The following TVP23C variants were observed in gnomAD, a reference collection of about 807,000 sequenced individuals.
TVP23C encodes the protein Golgi apparatus membrane protein TVP23 homolog C.
Under a neutral mutation model 28.7 loss-of-function variants are expected in TVP23C, and 19 were observed. That is an observed-to-expected ratio of 0.66 (90% confidence interval 0.46 to 0.97). TVP23C has a LOEUF of 0.97. Among genes scored for constraint, TVP23C ranks in the 50% least tolerant of loss-of-function variants. The pLI, the probability that TVP23C is intolerant of heterozygous loss-of-function variation, is 0.00. For missense variants in TVP23C, 186 were observed against 241.3 expected, an observed-to-expected ratio of 0.77 and a Z score of 1.52; for synonymous variants, 68 against 81.7, an observed-to-expected ratio of 0.83 and a Z score of 0.90.
intron 5 of TVP23C, among the ~76,000 whole-genome samples, chr17:15,526,678 G>A (rs1457421341): frequency 1.3e-5 from 2 of 152,172 alleles, no homozygotes; most frequent in Non-Finnish European, 1.5e-5. Flanking sequence ...TCCAGTATGC[G>A]TTGGTTTCAT....
At chr17:15,547,626 T>C (rs1257900990) in intron 3 of TVP23C, among the ~76,000 whole-genome samples, 1 of 152,218 alleles carries the variant, frequency 6.6e-6, no homozygotes, top group African/African-American at 2.4e-5. Context: ...TCCTAATCTT[T>C]ATTTACTCAA....
intron 1 of TVP23C, 193 bp downstream of exon 1, chr17:15,563,244 C>G: frequency 9.2e-7 from 1 of 1,085,602 alleles, no homozygotes; most frequent in Non-Finnish European, 1.3e-6. Flanking sequence ...CCGCACGGGT[C>G]ACGCCTCCCC....
intron 5 of TVP23C, among the ~76,000 whole-genome samples, chr17:15,523,058 G>A (rs1982549415): frequency 6.6e-6 from 1 of 152,046 alleles, no homozygotes; most frequent in East Asian, 1.9e-4. Flanking sequence ...CGCCCAGGCT[G>A]GAGTGCAGTG....
At chr17:15,512,854 AAAAGGGAGATG>A (rs1238131562) in intron 5 of TVP23C, among the ~76,000 whole-genome samples, 7 of 152,208 alleles carry the variant, frequency 4.6e-5, no homozygotes, top group Non-Finnish European at 7.3e-5. Flanking sequence ...ATGTCAAATC[AAAAGGGAGATG>A]ACCCATCCAT....
rs139005045 is a variant in TVP23C at position 15,503,128 on chromosome 17, G to C, written c.567C>G (p.Cys189Trp). The C allele has an allele frequency of 9.9e-3, 16,016 of 1,611,108 alleles. 120 individuals carry two copies. Among genetic ancestry groups the C allele is most frequent in the Non-Finnish European group, 0.012 (14,005 of 1,178,576 alleles). ...GAAACTTCCTCGAGGGATGGCCCGG[G>C]CAGCGGCTCACGCCTGTTATCCCAG... The change falls in exon 6 of 6, where the codon TGC (cysteine) becomes TGG (tryptophan). Residue 189 changes from cysteine to tryptophan, a missense_variant. By Grantham distance (215) the Cys-to-Trp change is radical. Transcript: ENST00000225576.
rs1266549538 is a variant in TVP23C, at chr17:15,502,811, T to C, written c.*53A>G. On this transcript the variant is annotated 3_prime_UTR_variant, in exon 6 of 6. Transcript: ENST00000225576. ...CCTCTCTCCTCTCTCCTCTCTCTCC[T>C]CTCTCTCTCTCTCTCTCTCTCCTGC... 5.8e-4 allele frequency: 97 copies of C among 167,392 alleles called. 1 individual carries two copies. The South Asian group carries it at 0.013, about 23-fold the overall frequency. 10.4% of individuals were successfully genotyped at this position (167,392 alleles called of 1,614,324 possible).
intron 1 of TVP23C, among the ~76,000 whole-genome samples, chr17:15,560,539 A>C (rs995126105): frequency 9.4e-5 from 14 of 149,418 alleles, no homozygotes; most frequent in African/African-American, 3.4e-4. Context: ...CCAGTGAAAG[A>C]GCATGTGGTG....
At chr17:15,503,216 A>C in exon 6 of TVP23C, 3 of 1,536,622 alleles carry the variant, frequency 2.0e-6, no homozygotes, top group Non-Finnish European at 2.6e-6. Flanking sequence ...AGTCTGGGCA[A>C]TGTGGCGAGA....
chr17:15,542,398 C>T (rs1304773289), intron 5 of TVP23C, among the ~76,000 whole-genome samples: 1 of 152,204 alleles, frequency 6.6e-6, no homozygotes, highest in Non-Finnish European at 1.5e-5. Flanking sequence ...AGGTGGGAGA[C>T]TCATGGAGAG....
rs1327911382 is a variant in TVP23C, at chr17:15,540,408, C to T, written c.*4G>A. The stretch of plus-strand genomic sequence containing the variant: ...AAGTTAGAAATAATTGCATTAGTCA[C>T]TGATCACATCCAGAAAACACTTACT... On this transcript the variant is annotated 3_prime_UTR_variant, in exon 6 of 6. Coordinates refer to ENST00000518321, the MANE Select transcript of TVP23C (RefSeq NM_001135036.2). 8.2e-6 allele frequency: 13 copies of T among 1,587,432 alleles called. No homozygotes were observed. Among genetic ancestry groups the T allele is most frequent in the Middle Eastern group, 1.7e-4 (1 of 6,004 alleles).
chr17:15,533,792 T>A (rs1451056274), downstream of TVP23C, among the ~76,000 whole-genome samples: 3 of 152,178 alleles, frequency 2.0e-5, no homozygotes, highest in South Asian at 4.1e-4. Flanking sequence ...CTGGATTAAG[T>A]GCTTTCAGAA....
At chr17:15,507,212 G>A in intron 5 of TVP23C, 1 of 732,000 alleles carries the variant, frequency 1.4e-6, no homozygotes, top group Non-Finnish European at 2.5e-6. Flanking sequence ...GCACTGCCAA[G>A]ACAGCGTGGT....
intron 1 of TVP23C, among the ~76,000 whole-genome samples, chr17:15,561,622 GAATGAATGAATA>G (rs1474108205): frequency 3.9e-4 from 42 of 107,790 alleles, no homozygotes; most frequent in East Asian, 7.0e-4. Flanking sequence ...ATGAATGAAT[GAATGAATGAATA>G]AATAAATAAA....
chr17:15,543,465 A>G (rs1230160205), intron 5 of TVP23C, among the ~76,000 whole-genome samples: 2 of 151,582 alleles, frequency 1.3e-5, no homozygotes, highest in Non-Finnish European at 2.9e-5. Context: ...AAAACCCACC[A>G]AAATAAAAGC....
intron 3 of TVP23C, among the ~76,000 whole-genome samples, chr17:15,549,237 C>T (rs1329630729): frequency 6.6e-6 from 1 of 151,978 alleles, no homozygotes; most frequent in East Asian, 1.9e-4. Flanking sequence ...GGCACTGATG[C>T]CCTAATGAAG....
At chr17:15,549,227 G>A (rs537347521) in intron 3 of TVP23C, among the ~76,000 whole-genome samples, 28 of 152,146 alleles carry the variant, frequency 1.8e-4, no homozygotes, top group Non-Finnish European at 4.1e-4. Context: ...TAGAGCAGCA[G>A]GCACTGATGC....
At chr17:15,521,240 C>A (rs1982462664) in intron 5 of TVP23C, among the ~76,000 whole-genome samples, 1 of 152,116 alleles carries the variant, frequency 6.6e-6, no homozygotes, top group Admixed American at 6.6e-5. Flanking sequence ...TGCGGTGGCT[C>A]ACACCTGTAA....
chr17:15,514,150 C>T (rs921224079), intron 5 of TVP23C, among the ~76,000 whole-genome samples: 13 of 152,194 alleles, frequency 8.5e-5, no homozygotes, highest in Admixed American at 6.5e-5. Flanking sequence ...CCCATCAATC[C>T]GGCAGCAAAC....
chr17:15,544,729 T>C (rs900125991), intron 5 of TVP23C, among the ~76,000 whole-genome samples: 4 of 151,896 alleles, frequency 2.6e-5, no homozygotes, highest in Non-Finnish European at 4.4e-5. Context: ...ATATAACATA[T>C]AAAGTAATTA....
Sources: allele counts gnomAD v4.1 joint callset (sites outside exome capture counted in the v4.1 genomes callset), GRCh38; gene constraint gnomAD v4.1.1; transcripts MANE v1.5; gene names NCBI Gene and HGNC (gene_info 2026-07-23, HGNC 2026-07-21).